The following GPATCH8 variants were observed in gnomAD, a reference collection of about 807,000 sequenced individuals.
The protein encoded by GPATCH8 is G-patch domain containing 8, also known as G patch domain-containing protein 8.
In GPATCH8, 18 loss-of-function variants were observed where a neutral mutation model predicts 118.3. The observed-to-expected ratio is 0.15, with a 90% CI of 0.11 to 0.23. GPATCH8 has a LOEUF of 0.23. Ranked by LOEUF, GPATCH8 falls within the 10% of genes least tolerant of loss-of-function variation. The probability of loss-of-function intolerance (pLI) is 1.00; values close to 1 mark genes in which losing one functional copy is unlikely to be tolerated. For synonymous variants in GPATCH8, 659 were observed against 684.7 expected (o/e 0.96, Z 0.59); for missense variants, 1,631 against 1,873.8 (o/e 0.87, Z 2.39).
intron 6 of GPATCH8, among the ~76,000 whole-genome samples, chr17:44,420,049 T>TC (rs1321143491): frequency 6.6e-6 from 1 of 152,078 alleles, no homozygotes; most frequent in African/African-American, 2.4e-5. Flanking sequence ...TTTTTTTTTT[T>TC]TTTAATGCGT....
intron 3 of GPATCH8, among the ~76,000 whole-genome samples, chr17:44,442,085 G>GTATA (rs34142617): frequency 0.6 from 87,366 of 144,768 alleles, 26,629 homozygotes; most frequent in Middle Eastern, 0.67. Flanking sequence ...ATATATGTGT[G>GTATA]TATATGTATA....
At chr17:44,444,219 G>A (rs560024825) in intron 3 of GPATCH8, among the ~76,000 whole-genome samples, 28 of 148,240 alleles carry the variant, frequency 1.9e-4, no homozygotes, top group Admixed American at 6.8e-4. Flanking sequence ...GCCCTTAGAA[G>A]AGATAATAAA....
intron 3 of GPATCH8, among the ~76,000 whole-genome samples, chr17:44,448,564 AGAGGAAGAG>A (rs2050989674): frequency 9.8e-6 from 1 of 102,546 alleles, no homozygotes; most frequent in African/African-American, 3.4e-5. Context: ...AGGAAGAAGA[AGAGGAAGAG>A]GAAGAAGAAG....
At chr17:44,442,476 T>C (rs1183933599) in intron 3 of GPATCH8, among the ~76,000 whole-genome samples, 1 of 152,094 alleles carries the variant, frequency 6.6e-6, no homozygotes, top group Non-Finnish European at 1.5e-5. Flanking sequence ...AAATCCATGT[T>C]TTTTTTGAGA....
intron 2 of GPATCH8, among the ~76,000 whole-genome samples, chr17:44,466,707 T>C (rs186652654): frequency 6.2e-4 from 95 of 152,320 alleles, no homozygotes; most frequent in African/African-American, 2.2e-3. Flanking sequence ...TTTACTACTA[T>C]GAAAACAAAC....
At chr17:44,478,592 G>C (rs553832916) in intron 1 of GPATCH8, among the ~76,000 whole-genome samples, 4 of 151,988 alleles carry the variant, frequency 2.6e-5, no homozygotes, top group Admixed American at 1.3e-4. Flanking sequence ...CAGCCCAGGG[G>C]TTCAAGACTG....
intron 5 of GPATCH8, among the ~76,000 whole-genome samples, chr17:44,424,880 C>T (rs1419645805): frequency 1.3e-5 from 2 of 152,132 alleles, no homozygotes; most frequent in African/African-American, 4.8e-5. Flanking sequence ...AGTCTGTAGC[C>T]AATGATGGAG....
chr17:44,488,558 AC>A (rs1208207208), intron 1 of GPATCH8, among the ~76,000 whole-genome samples: 7 of 150,256 alleles, frequency 4.7e-5, no homozygotes, highest in Admixed American at 2.0e-4. Context: ...TTTAATAGAG[AC>A]GGGGTTTCAC....
At chr17:44,461,352 AT>A (rs112382903) in intron 3 of GPATCH8, among the ~76,000 whole-genome samples, 101 of 145,146 alleles carry the variant, frequency 7.0e-4, no homozygotes, top group Middle Eastern at 3.6e-3. Flanking sequence ...CAGCCAATTA[AT>A]TTTTTTTTTT....
At chr17:44,469,543 T>C (rs1000240885) in intron 2 of GPATCH8, among the ~76,000 whole-genome samples, 1 of 152,250 alleles carries the variant, frequency 6.6e-6, no homozygotes, top group African/African-American at 2.4e-5. Flanking sequence ...TGAATACTAA[T>C]TCTATACTGA....
rs200764854 is a variant in GPATCH8, at chr17:44,474,884, T to C, written c.65A>G (p.Tyr22Cys). The change falls in exon 2 of 8, where the codon TAT becomes TGT. Residue 22 changes from tyrosine to cysteine, a missense_variant. Around this residue, in one of 8 missense-constraint regions of GPATCH8, gnomAD observed 28 missense variants for 33.9 expected, o/e 0.83. Coordinates refer to ENST00000591680, the MANE Select transcript of GPATCH8 (RefSeq NM_001002909.4). The part of the protein sequence containing the change: ...RDFQGNHFDQ[Y>C]EEGHLEIEQA... ...TTCAATTTCCAAGTGTCCTTCCTCA[T>C]ACTGATCAAAGTGATTACCCTGAAA... 6.4e-7 allele frequency: 1 copy of C among 1,558,992 alleles called. No individual in the cohort carries two copies. The highest frequency in any genetic ancestry group is 8.8e-7 in the Non-Finnish European group (1 of 1,130,020).
chr17:44,399,965 T>C lies in GPATCH8; in HGVS notation c.2112A>G (p.Ser704=), dbSNP rs773236992. The change falls in exon 8 of 8, where the codon TCA becomes TCG. Residue 704 remains serine (S), a synonymous_variant. Transcript: ENST00000591680. ...DTEEKSSKAE[S]GEKSKKRKKR... ...TCTTGCGCTTCTTAGATTTCTCCCC[T>C]GACTCTGCCTTAGAGCTTTTCTCTT... 22 of 1,614,034 alleles carry C rather than the reference T, an allele frequency of 1.4e-5. No homozygotes were observed. The highest frequency in any genetic ancestry group is 8.0e-5 in the African/African-American group (6 of 74,922).
intron 3 of GPATCH8, among the ~76,000 whole-genome samples, chr17:44,437,942 T>A (rs1728737314): frequency 1.9e-5 from 2 of 103,712 alleles, no homozygotes; most frequent in Non-Finnish European, 4.2e-5. Flanking sequence ...ACATCTCATG[T>A]CAGAAAAAAA....
At chr17:44,405,772 G>A (rs771199445) in intron 7 of GPATCH8, 149 bp downstream of exon 7, 31 of 585,384 alleles carry the variant, frequency 5.3e-5, no homozygotes, top group Middle Eastern at 4.7e-4. Context: ...TCAAAGTGCT[G>A]GGATTATAGG....
At chr17:44,413,973 T>G (rs2143790350) in intron 6 of GPATCH8, among the ~76,000 whole-genome samples, 1 of 151,958 alleles carries the variant, frequency 6.6e-6, no homozygotes, top group South Asian at 2.1e-4. Flanking sequence ...CATGTAATGC[T>G]TGTTTTGCTA....
intron 3 of GPATCH8, among the ~76,000 whole-genome samples, chr17:44,464,241 G>A (rs1038328268): frequency 1.3e-5 from 2 of 152,124 alleles, no homozygotes; most frequent in South Asian, 2.1e-4. Flanking sequence ...CAGTATGTTT[G>A]ACTTGAAAGT....
Position 44,482,727 on chromosome 17 carries a change from C to A in GPATCH8, c.46-7824G>T, listed in dbSNP as rs1160465530. Among the ~76,000 whole-genome samples the A allele has an allele frequency of 2.0e-5, 3 of 151,778 alleles. No homozygotes were observed. In the East Asian group the frequency reaches 5.8e-4, roughly 29 times the overall value. On this transcript the variant is annotated intron_variant, in intron 1 of 7. Transcript: ENST00000591680. ...AAAATTAAAAAAAATATATTTCTATCAAAAAATAAATTCATAGAAATCCAT... is the reference window on the plus strand; with the variant it reads ...AAAATTAAAAAAAATATATTTCTATAAAAAAATAAATTCATAGAAATCCAT...
At position 44,397,502 on chromosome 17, in the gene GPATCH8, C is replaced by T; in HGVS notation, c.*66G>A. ...CTTCTACTTGCTGGTATTAATGGCT[C>T]AACACCCCCAAGGGAACATTTATGG... On this transcript the variant is annotated 3_prime_UTR_variant, in exon 8 of 8. Transcript: ENST00000591680. 1.8e-6 allele frequency: 2 copies of T among 1,114,910 alleles called. No homozygotes were observed. The highest frequency in any genetic ancestry group is 1.5e-5 in the African/African-American group (1 of 65,440). The allele number at this position is 1,114,910 out of a possible 1,614,324, so 69.1% of individuals were successfully genotyped here.
At chr17:44,443,659 T>C (rs2050777677) in intron 3 of GPATCH8, among the ~76,000 whole-genome samples, 1 of 152,118 alleles carries the variant, frequency 6.6e-6, no homozygotes, top group South Asian at 2.1e-4. Context: ...CCAAATTAAT[T>C]TGATTTTTTT....
Sources: gnomAD v4.1 joint callset for allele counts (sites outside exome capture counted in the v4.1 genomes callset) on GRCh38, gnomAD v4.1.1 for gene constraint, gnomAD v4.1.1 regional missense constraint, MANE v1.5 for transcripts, NCBI Gene and HGNC (gene_info 2026-07-23, HGNC 2026-07-21) for gene names.